The following EIF3C variants were observed in gnomAD, a reference collection of about 807,000 sequenced individuals.
The protein encoded by EIF3C is eukaryotic translation initiation factor 3 subunit C.
EIF3C carries 2 observed loss-of-function variants against 11.1 expected under a neutral mutation model. That is an observed-to-expected ratio of 0.18 (90% CI 0.07 to 0.57). The LOEUF is 0.57. Ranked by LOEUF, EIF3C falls within the 20% of genes least tolerant of loss-of-function variation. The pLI is 0.92. For missense variants in EIF3C, 16 were observed against 114.6 expected, an observed-to-expected ratio of 0.14 and a Z score of 3.93; for synonymous variants, 2 against 41.5, an observed-to-expected ratio of 0.05 and a Z score of 3.66.
rs1273985959 is a variant in EIF3C, at chr16:28,689,205, G to A, written c.-31+377G>A. On this transcript the variant is annotated intron_variant, in intron 1 of 20. Transcript: ENST00000566501. ...ATTACAGGCGTGAGCCACCACGCCCGGCCCCATGGGTGTTTTTTAGAGCTC... is the reference window on the plus strand; with the variant it reads ...ATTACAGGCGTGAGCCACCACGCCCAGCCCCATGGGTGTTTTTTAGAGCTC... Among the ~76,000 whole-genome samples, 12 of 48,450 alleles carry A rather than the reference G, an allele frequency of 2.5e-4. 4 individuals carry two copies. Among genetic ancestry groups the A allele is most frequent in the South Asian group, 1.3e-3 (2 of 1,492 alleles). 31.8% of individuals were successfully genotyped at this position (48,450 alleles called of 152,430 possible). A position where few individuals can be genotyped will look rare whatever the true frequency, so the allele number is the denominator to read the frequency against.
intron 1 of EIF3C, among the ~76,000 whole-genome samples, chr16:28,698,173 A>G (rs1596703445): frequency 2.4e-5 from 2 of 83,112 alleles, no homozygotes; most frequent in African/African-American, 4.9e-5. Context: ...GGCCGGGCAG[A>G]GGGGCTCCTC....
intron 1 of EIF3C, among the ~76,000 whole-genome samples, chr16:28,698,679 G>A: frequency 1.5e-5 from 1 of 66,712 alleles, no homozygotes; most frequent in East Asian, 5.1e-4. Context: ...TCTCAGACGG[G>A]GCAGCTGCCG....
At chr16:28,728,164 C>CT (rs1008273098) in intron 15 of EIF3C, among the ~76,000 whole-genome samples, 1 of 23,942 alleles carries the variant, frequency 4.2e-5, no homozygotes, top group Admixed American at 5.0e-4. Flanking sequence ...GTCTTTTAAA[C>CT]TTTTTTTTGT....
intron 1 of EIF3C, among the ~76,000 whole-genome samples, chr16:28,696,845 C>CA (rs1248495133): frequency 1.7e-5 from 1 of 60,104 alleles, no homozygotes; most frequent in Non-Finnish European, 3.0e-5. Flanking sequence ...GACTCTATCT[C>CA]AAAAAAATAA....
chr16:28,696,831 G>A (rs1162500795), intron 1 of EIF3C, among the ~76,000 whole-genome samples: 3 of 67,782 alleles, frequency 4.4e-5, no homozygotes, highest in Non-Finnish European at 7.9e-5. Flanking sequence ...GGGCAACAGA[G>A]CAAGACTCTA....
intron 1 of EIF3C, among the ~76,000 whole-genome samples, chr16:28,698,033 T>C (rs1467455352): frequency 1.8e-5 from 1 of 54,208 alleles, no homozygotes; most frequent in Non-Finnish European, 3.0e-5. Context: ...ACGGGGCGGC[T>C]GGCCGGGCAG....
chr16:28,722,936 A>C, intron 8 of EIF3C: 2 of 745,978 alleles, frequency 2.7e-6, no homozygotes, highest in Non-Finnish European at 4.2e-6. Context: ...GTGATCTACC[A>C]TGCTTAGCTG....
intron 15 of EIF3C, among the ~76,000 whole-genome samples, chr16:28,728,638 C>G (rs2048408905): frequency 2.1e-5 from 1 of 46,594 alleles, no homozygotes; most frequent in Non-Finnish European, 4.8e-5. Context: ...AGGTTCAAGC[C>G]ATTCTCCTCC....
intron 15 of EIF3C, among the ~76,000 whole-genome samples, chr16:28,728,462 T>TA (rs1452242533): frequency 3.0e-5 from 2 of 65,938 alleles, no homozygotes; most frequent in African/African-American, 9.3e-5. Context: ...GGTGTGTGTG[T>TA]ATCTTTTAGG....
At chr16:28,692,747 G>GA (rs1414702083) in intron 1 of EIF3C, among the ~76,000 whole-genome samples, 2 of 136,364 alleles carry the variant, frequency 1.5e-5, no homozygotes, top group Admixed American at 1.5e-4. Context: ...GCGACAGAGC[G>GA]AGACTCCGTC....
In EIF3C at chr16:28,689,235, T is replaced by C. The variant is rs573048326; in HGVS notation, c.-31+407T>C. Among the ~76,000 whole-genome samples, 4 of 50,550 alleles carry C rather than the reference T, an allele frequency of 7.9e-5. 2 individuals are homozygous for C. The highest frequency in any genetic ancestry group is 1.4e-4 in the Non-Finnish European group (4 of 28,766). 33.2% of individuals were successfully genotyped at this position (50,550 alleles called of 152,430 possible). A position where few individuals can be genotyped will look rare whatever the true frequency, so the allele number is the denominator to read the frequency against. ...CATGGGTGTTTTTTAGAGCTCTCTT[T>C]GATTCACACTTAGTCACAATCCCCT... On this transcript the variant is annotated intron_variant, in intron 1 of 20. Transcript: ENST00000566501.
At chr16:28,697,805 C>T (rs1194078690) in intron 1 of EIF3C, among the ~76,000 whole-genome samples, 3 of 82,102 alleles carry the variant, frequency 3.7e-5, no homozygotes, top group East Asian at 4.3e-4. Flanking sequence ...TGGGGCGGCT[C>T]GCCGGGCAGG....
In EIF3C at chr16:28,698,437, C is replaced by T. The variant is rs1596703749; in HGVS notation, c.-31+9609C>T. Among the ~76,000 whole-genome samples the T allele has an allele frequency of 2.5e-5, 2 of 79,534 alleles. 1 individual carries two copies. The highest frequency in any genetic ancestry group is 1.8e-3 in the South Asian group (2 of 1,098). The allele number at this position is 79,534 out of a possible 152,430, so 52.2% of individuals were successfully genotyped here. A position where few individuals can be genotyped will look rare whatever the true frequency, so the allele number is the denominator to read the frequency against. On this transcript the variant is annotated intron_variant, in intron 1 of 20. Coordinates refer to the EIF3C transcript ENST00000566501. ...ATGGCTGGCCAGGCGGGGGGCTGAC[C>T]CCCCCACCTCCCTCCCGGATGGCAC... is the stretch of plus-strand genomic sequence containing the variant.
At chr16:28,698,721 T>C (rs1360006442) in intron 1 of EIF3C, among the ~76,000 whole-genome samples, 2 of 30,630 alleles carry the variant, frequency 6.5e-5, no homozygotes, top group African/African-American at 4.9e-4. Context: ...TCAGACGGGG[T>C]GGTTGCCAGG....
chr16:28,728,447 T>G lies in EIF3C; in HGVS notation c.1818+1202T>G, dbSNP rs1325718195. Among the ~76,000 whole-genome samples, 5 of 43,860 alleles carry G rather than the reference T, an allele frequency of 1.1e-4. No homozygotes were observed. In the South Asian group the frequency reaches 2.0e-3, roughly 17 times the overall value. The allele number at this position is 43,860 out of a possible 152,430, so 28.8% of individuals were successfully genotyped here. A position where few individuals can be genotyped will look rare whatever the true frequency, so the allele number is the denominator to read the frequency against. On this transcript the variant is annotated intron_variant, in intron 15 of 20. Coordinates refer to ENST00000331666, the MANE Select transcript of EIF3C (RefSeq NM_003752.5). ...TTTAGGGGTGTGTGTGTGTCTCTTT[T>G]AGGGGGTGTGTGTGTATCTTTTAGG...
At position 28,695,764 on chromosome 16, in the gene EIF3C, C is replaced by T. The variant is rs1419410813; in HGVS notation, c.-31+6936C>T. Among the ~76,000 whole-genome samples the T allele has an allele frequency of 9.8e-5, 5 of 51,062 alleles. 2 individuals are homozygous for T. Among genetic ancestry groups the T allele is most frequent in the African/African-American group, 1.5e-4 (1 of 6,598 alleles). The allele number at this position is 51,062 out of a possible 152,430, so 33.5% of individuals were successfully genotyped here. A position where few individuals can be genotyped will look rare whatever the true frequency, so the allele number is the denominator to read the frequency against. ...CAGCACTTTGGGAGGCCAAGGCAGGCGGATCACGAGGTCAGGAGATTGAGA... is the reference window on the plus strand; with the variant it reads ...CAGCACTTTGGGAGGCCAAGGCAGGTGGATCACGAGGTCAGGAGATTGAGA... On this transcript the variant is annotated intron_variant, in intron 1 of 20. Coordinates refer to the EIF3C transcript ENST00000566501.
chr16:28,707,078 CTTTTTTTTT>C (rs1165801182), upstream of EIF3C, among the ~76,000 whole-genome samples: 3 of 21,408 alleles, frequency 1.4e-4, 1 homozygote, highest in Admixed American at 6.3e-4. Flanking sequence ...TTTTCTTTCC[CTTTTTTTTT>C]TTTTTTTTTT....
chr16:28,700,487 C>T (rs1456940084), intron 1 of EIF3C: 2 of 342,830 alleles, frequency 5.8e-6, no homozygotes, highest in Non-Finnish European at 1.1e-5. Context: ...CGCATTGAAG[C>T]CCTTTTGGAG....
chr16:28,697,795 T>C (rs1467259809), intron 1 of EIF3C, among the ~76,000 whole-genome samples: 11 of 85,074 alleles, frequency 1.3e-4, no homozygotes, highest in East Asian at 4.6e-4. Flanking sequence ...ACCTCCCGGA[T>C]GGGGCGGCTC....
Sources: gnomAD v4.1 joint callset for allele counts (sites outside exome capture counted in the v4.1 genomes callset) on GRCh38, gnomAD v4.1.1 for gene constraint, MANE v1.5 for transcripts, NCBI Gene and HGNC (gene_info 2026-07-23, HGNC 2026-07-21) for gene names.